Variants in PTPN9 observed in about 807,000 individuals in gnomAD.
PTPN9 encodes the protein tyrosine-protein phosphatase non-receptor type 9.
PTPN9 carries 26 observed loss-of-function variants against 69.8 expected under a neutral mutation model. The observed-to-expected ratio is 0.37, with a 90% CI of 0.27 to 0.52. The LOEUF is 0.52. Among genes scored for constraint, PTPN9 ranks in the 20% least tolerant of loss-of-function variants. The probability of loss-of-function intolerance (pLI) is 0.91; values close to 1 mark genes in which losing one functional copy is unlikely to be tolerated. For synonymous variants in PTPN9, 274 were observed against 272.5 expected, an observed-to-expected ratio of 1.01 and a Z score of -0.05; for missense variants, 549 against 740.3, an observed-to-expected ratio of 0.74 and a Z score of 3.00.
At chr15:75,499,003 A>G (rs1440108422) in intron 7 of PTPN9, among the ~76,000 whole-genome samples, 1 of 152,204 alleles carries the variant, frequency 6.6e-6, no homozygotes, top group Non-Finnish European at 1.5e-5. Context: ...AGATGTTATC[A>G]TGGGATAACT....
At chr15:75,549,342 A>G (rs574861540) in intron 1 of PTPN9, among the ~76,000 whole-genome samples, 1 of 152,112 alleles carries the variant, frequency 6.6e-6, no homozygotes, top group South Asian at 2.1e-4. Flanking sequence ...TTGGGACTAC[A>G]GGGGTGGACC....
rs1056266362 is a variant in PTPN9, at chr15:75,540,162, C to A, written c.64-12901G>T. 7.2e-5 allele frequency among the ~76,000 whole-genome samples: 11 copies of A among 152,282 alleles called. No individual in the cohort carries two copies. In the East Asian group the frequency reaches 1.4e-3, roughly 19 times the overall value. On this transcript the variant is annotated intron_variant, in intron 1 of 12. Transcript: ENST00000618819. ...AAATAAAAAACAAAAGTGAAACTGA[C>A]TTTTACAAAAGTTTAGTCCATTGAG...
chr15:75,503,886 C>A lies in PTPN9; in HGVS notation c.968+1789G>T, dbSNP rs1245568267. On this transcript the variant is annotated intron_variant, in intron 7 of 12. Transcript: ENST00000618819. ...GGTCAGCCCTCCGCCCGGCCAGCCG[C>A]CCCGTCCGGGAGGGAGGTGGGGTCA... is the stretch of plus-strand genomic sequence containing the variant. 4.1e-5 allele frequency among the ~76,000 whole-genome samples: 5 copies of A among 121,236 alleles called. No individual in the cohort carries two copies. The East Asian group carries it at 7.9e-4, about 19-fold the overall frequency. The allele number at this position is 121,236 out of a possible 152,430, so 79.5% of individuals were successfully genotyped here. A position where few individuals can be genotyped will look rare whatever the true frequency, so the allele number is the denominator to read the frequency against.
intron 1 of PTPN9, among the ~76,000 whole-genome samples, chr15:75,538,712 GA>G (rs1245645471): frequency 3.3e-5 from 5 of 151,604 alleles, no homozygotes; most frequent in Admixed American, 6.6e-5. Context: ...TGTTAAAGAA[GA>G]GAATAAAATT....
At chr15:75,469,011 TG>T (rs2074550517) in intron 12 of PTPN9, 28 bp from the exon 13 acceptor site, 1 of 1,568,778 alleles carries the variant, frequency 6.4e-7, no homozygotes, top group African/African-American at 1.4e-5. Context: ...TGATCACATC[TG>T]GTTTACCTCT....
chr15:75,502,461 AAAG>A (rs1415387744), intron 7 of PTPN9, among the ~76,000 whole-genome samples: 1 of 152,172 alleles, frequency 6.6e-6, no homozygotes, highest in East Asian at 1.9e-4. Flanking sequence ...AAGAAAAAAA[AAAG>A]AGAGGGAGGG....
intron 1 of PTPN9, among the ~76,000 whole-genome samples, chr15:75,550,884 G>A (rs905710983): frequency 2.0e-5 from 3 of 152,106 alleles, no homozygotes; most frequent in African/African-American, 2.4e-5. Flanking sequence ...AGGCTCAAGC[G>A]ATCTTCCTTC....
At chr15:75,536,300 G>A (rs762636637) in intron 1 of PTPN9, among the ~76,000 whole-genome samples, 1 of 152,030 alleles carries the variant, frequency 6.6e-6, no homozygotes, top group African/African-American at 2.4e-5. Flanking sequence ...TTGGCCTTTC[G>A]CTAAGATCAA....
chr15:75,552,048 A>G (rs1349343786), intron 1 of PTPN9, among the ~76,000 whole-genome samples: 1 of 151,268 alleles, frequency 6.6e-6, no homozygotes, highest in Non-Finnish European at 1.5e-5. Flanking sequence ...TCTCAAAAAA[A>G]AAAAAGAAAA....
intron 1 of PTPN9, among the ~76,000 whole-genome samples, chr15:75,546,842 G>C (rs1310229716): frequency 2.6e-5 from 4 of 151,948 alleles, no homozygotes; most frequent in Admixed American, 6.6e-5. Context: ...AGGGTTTCAA[G>C]AAGAAAGTAA....
At chr15:75,523,962 G>C (rs1407383076) in intron 3 of PTPN9, among the ~76,000 whole-genome samples, 2 of 152,004 alleles carry the variant, frequency 1.3e-5, no homozygotes, top group Non-Finnish European at 2.9e-5. Flanking sequence ...TCCAAACAGG[G>C]GGGGATGGAG....
rs185903100 is a variant in PTPN9 at position 75,552,286 on chromosome 15, A to G, written c.64-25025T>C. Among the ~76,000 whole-genome samples the G allele has an allele frequency of 7.9e-5, 12 of 152,072 alleles. No individual in the cohort carries two copies. The East Asian group carries it at 2.1e-3, about 27-fold the overall frequency. ...ACGGGGCATGGTGGCGCATGCCTGTATTCCCAGCTACTCGGGAGGCTGAGG... is the reference window on the plus strand; with the variant it reads ...ACGGGGCATGGTGGCGCATGCCTGTGTTCCCAGCTACTCGGGAGGCTGAGG... On this transcript the variant is annotated intron_variant, in intron 1 of 12. Transcript: ENST00000618819.
At chr15:75,558,609 T>G (rs373256545) in intron 1 of PTPN9, among the ~76,000 whole-genome samples, 1 of 152,160 alleles carries the variant, frequency 6.6e-6, no homozygotes, top group Non-Finnish European at 1.5e-5. Flanking sequence ...CTGCCATCTC[T>G]GCTCACTGCA....
chr15:75,574,609 A>G (rs1388205025), intron 1 of PTPN9, among the ~76,000 whole-genome samples: 6 of 152,168 alleles, frequency 3.9e-5, no homozygotes, highest in Admixed American at 3.9e-4. Flanking sequence ...ATGACTGTAC[A>G]GAAGGAGATA....
At chr15:75,552,640 G>C (rs925789596) in intron 1 of PTPN9, among the ~76,000 whole-genome samples, 2 of 151,508 alleles carry the variant, frequency 1.3e-5, no homozygotes, top group Non-Finnish European at 2.9e-5. Context: ...AACATCATAG[G>C]ATAAGCTATG....
At chr15:75,538,525 C>T (rs1272137257) in intron 1 of PTPN9, among the ~76,000 whole-genome samples, 3 of 152,104 alleles carry the variant, frequency 2.0e-5, no homozygotes, top group East Asian at 1.9e-4. Context: ...GACAAAACCC[C>T]GTCTCTACAA....
intron 1 of PTPN9, among the ~76,000 whole-genome samples, chr15:75,550,738 C>T (rs989376873): frequency 6.6e-6 from 1 of 151,990 alleles, no homozygotes. Context: ...GAGCCAAGAT[C>T]GCACCACTGC....
rs1046982638 is a variant in PTPN9, at chr15:75,467,535, C to T, written c.*1234G>A. On this transcript the variant is annotated 3_prime_UTR_variant, in exon 13 of 13. Transcript: ENST00000618819. The stretch of plus-strand genomic sequence containing the variant: ...AAGCTTTTTATTGACACAGAACCCA[C>T]CCAGTTTGAGGGTCTAGCAGGCTAG... 2 of 152,448 alleles carry T rather than the reference C, an allele frequency of 1.3e-5. No individual in the cohort carries two copies. Among genetic ancestry groups the T allele is most frequent in the Admixed American group, 6.6e-5 (1 of 15,254 alleles). 9.4% of individuals were successfully genotyped at this position (152,448 alleles called of 1,614,324 possible).
At chr15:75,511,812 T>C (rs1339091018) in intron 5 of PTPN9, among the ~76,000 whole-genome samples, 1 of 152,126 alleles carries the variant, frequency 6.6e-6, no homozygotes, top group Non-Finnish European at 1.5e-5. Flanking sequence ...GCCTAAATAA[T>C]CCTGATATGC....
Sources: gnomAD v4.1 joint callset for allele counts (sites outside exome capture counted in the v4.1 genomes callset) on GRCh38, gnomAD v4.1.1 for gene constraint, MANE v1.5 for transcripts, NCBI Gene and HGNC (gene_info 2026-07-23, HGNC 2026-07-21) for gene names.